Variants in PTPRD observed in about 807,000 individuals in gnomAD.
The protein encoded by PTPRD is protein tyrosine phosphatase receptor type D.
In PTPRD, 34 loss-of-function variants were observed where a neutral mutation model predicts 214.5. That is an observed-to-expected ratio of 0.16 (90% CI 0.12 to 0.21). PTPRD has a LOEUF of 0.21. Ranked by LOEUF, PTPRD falls within the 10% of genes least tolerant of loss-of-function variation. PTPRD has a pLI of 1.00. For missense variants in PTPRD, 2,545 were observed against 2,398.7 expected, an observed-to-expected ratio of 1.06 and a Z score of -1.27; for synonymous variants, 1,128 against 845.7, an observed-to-expected ratio of 1.33 and a Z score of -5.79.
At chr9:8,340,977 A>T in intron 41 of PTPRD, 113 bp downstream of exon 41, 1 of 1,049,070 alleles carries the variant, frequency 9.5e-7, no homozygotes, top group Non-Finnish European at 1.4e-6. Flanking sequence ...CTAAATGATG[A>T]CCTATGCAGA....
intron 2 of PTPRD, among the ~76,000 whole-genome samples, chr9:10,442,754 T>C (rs113054665): frequency 5.7e-4 from 86 of 151,632 alleles, no homozygotes; most frequent in African/African-American, 2.0e-3. Flanking sequence ...AAACCATTGT[T>C]AAATGTTGTC....
At chr9:8,429,400 G>C (rs2094901954) in intron 35 of PTPRD, among the ~76,000 whole-genome samples, 1 of 152,048 alleles carries the variant, frequency 6.6e-6, no homozygotes, top group African/African-American at 2.4e-5. Context: ...CTGTGGTTTA[G>C]ACAGCTCTAA....
intron 10 of PTPRD, among the ~76,000 whole-genome samples, chr9:9,170,676 A>G (rs1212632426): frequency 1.3e-5 from 2 of 152,206 alleles, no homozygotes; most frequent in African/African-American, 4.8e-5. Context: ...GGATGCTCAG[A>G]AAACAGAAAG....
chr9:9,590,189 C>A (rs907324701), intron 7 of PTPRD, among the ~76,000 whole-genome samples: 6 of 151,992 alleles, frequency 3.9e-5, no homozygotes, highest in African/African-American at 1.4e-4. Context: ...TAGGATCATA[C>A]AGCAAATACT....
chr9:8,673,882 T>C (rs1297452542), intron 12 of PTPRD, among the ~76,000 whole-genome samples: 2 of 152,094 alleles, frequency 1.3e-5, no homozygotes, highest in East Asian at 1.9e-4. Flanking sequence ...TTGCAGGATG[T>C]TCAGCAGCAC....
At chr9:8,511,338 T>C (rs965489146) in intron 21 of PTPRD, among the ~76,000 whole-genome samples, 1 of 152,136 alleles carries the variant, frequency 6.6e-6, no homozygotes, top group Non-Finnish European at 1.5e-5. Context: ...CTCAAAGCAC[T>C]GAGAGTATGG....
chr9:9,092,351 AT>A (rs1382108767), intron 10 of PTPRD, among the ~76,000 whole-genome samples: 4 of 152,078 alleles, frequency 2.6e-5, no homozygotes, highest in African/African-American at 9.7e-5. Flanking sequence ...TGCTGTTTTC[AT>A]TTCTTCTTCA....
intron 11 of PTPRD, among the ~76,000 whole-genome samples, chr9:8,911,032 TG>T (rs1466739863): frequency 6.6e-6 from 1 of 152,236 alleles, no homozygotes; most frequent in African/African-American, 2.4e-5. Flanking sequence ...CAAACTTATC[TG>T]TAGATTCAAC....
intron 9 of PTPRD, among the ~76,000 whole-genome samples, chr9:9,260,582 T>C (rs2099979680): frequency 6.6e-6 from 1 of 151,824 alleles, no homozygotes; most frequent in African/African-American, 2.4e-5. Flanking sequence ...CTAATTTGCA[T>C]TTGAAAGAGT....
chr9:10,517,614 A>G (rs554369113), intron 2 of PTPRD, among the ~76,000 whole-genome samples: 1 of 152,146 alleles, frequency 6.6e-6, no homozygotes, highest in South Asian at 2.1e-4. Flanking sequence ...TGTAGTATAT[A>G]TATGAATGTA....
chr9:9,316,260 C>T (rs1963020149), intron 9 of PTPRD, among the ~76,000 whole-genome samples: 1 of 151,948 alleles, frequency 6.6e-6, no homozygotes, highest in East Asian at 1.9e-4. Flanking sequence ...TACCGTCTCT[C>T]TTATACTCAC....
At chr9:8,355,857 C>G (rs530742569) in intron 39 of PTPRD, among the ~76,000 whole-genome samples, 2 of 152,148 alleles carry the variant, frequency 1.3e-5, no homozygotes, top group African/African-American at 4.8e-5. Flanking sequence ...GCTGATATGG[C>G]TGGTCGCTGG....
At position 10,279,003 on chromosome 9, in the gene PTPRD, T is replaced by C. The variant is rs543300086; in HGVS notation, c.-545+61960A>G. Among the ~76,000 whole-genome samples the C allele has an allele frequency of 5.9e-3, 891 of 152,214 alleles. 5 individuals carry two copies. The highest frequency in any genetic ancestry group is 0.011 in the Non-Finnish European group (738 of 68,010). On this transcript the variant is annotated intron_variant, in intron 3 of 45. Transcript: ENST00000381196. ...GTTAGCCAGGATGATCTCGATCTCCTGGCCTCGTGATCTGCCCGCCTTGGC... is the reference window on the plus strand; with the variant it reads ...GTTAGCCAGGATGATCTCGATCTCCCGGCCTCGTGATCTGCCCGCCTTGGC...
intron 44 of PTPRD, among the ~76,000 whole-genome samples, chr9:8,328,320 T>C (rs1220889399): frequency 1.3e-5 from 2 of 151,754 alleles, no homozygotes; most frequent in Admixed American, 1.3e-4. Context: ...GAAAAGTCTT[T>C]TCTTTAGGAA....
intron 13 of PTPRD, among the ~76,000 whole-genome samples, chr9:8,634,410 A>T (rs558586253): frequency 1.3e-5 from 2 of 152,080 alleles, no homozygotes; most frequent in African/African-American, 2.4e-5. Flanking sequence ...GAATAAATTG[A>T]GATTGCCTCA....
intron 11 of PTPRD, among the ~76,000 whole-genome samples, chr9:8,938,711 AG>A (rs1167575325): frequency 6.6e-6 from 1 of 151,786 alleles, no homozygotes; most frequent in African/African-American, 2.4e-5. Flanking sequence ...TAAGAGGCCA[AG>A]AAAAAAAAAA....
At chr9:10,221,005 C>T (rs1194156883) in intron 3 of PTPRD, among the ~76,000 whole-genome samples, 1 of 151,776 alleles carries the variant, frequency 6.6e-6, no homozygotes, top group Non-Finnish European at 1.5e-5. Flanking sequence ...CTGTGAACAG[C>T]AGGAAGAATC....
chr9:9,896,804 C>A (rs1356542648), intron 5 of PTPRD, among the ~76,000 whole-genome samples: 1 of 151,830 alleles, frequency 6.6e-6, no homozygotes, highest in African/African-American at 2.4e-5. Flanking sequence ...GTAAAAATGA[C>A]CTCAGTTGCC....
chr9:9,938,626 G>C lies in PTPRD; in HGVS notation c.-471-16C>G, dbSNP rs2090392047. 6.6e-6 allele frequency: 1 copy of C among 152,068 alleles called. No homozygotes were observed. The highest frequency in any genetic ancestry group is 6.6e-5 in the Admixed American group (1 of 15,246). 9.4% of individuals were successfully genotyped at this position (152,068 alleles called of 1,614,324 possible). On this transcript the variant is annotated splice_polypyrimidine_tract_variant and intron_variant, in intron 4 of 45. Coordinates refer to ENST00000381196, the MANE Select transcript of PTPRD (RefSeq NM_002839.4). Reference sequence around the variant, plus strand: ...TATTTTCCACCTGGAACAAAACATAGTGTCAGTCATTTCTTCATGTTCCTT... The same window carrying C: ...TATTTTCCACCTGGAACAAAACATACTGTCAGTCATTTCTTCATGTTCCTT...
Sources: allele counts gnomAD v4.1 joint callset (sites outside exome capture counted in the v4.1 genomes callset), GRCh38; gene constraint gnomAD v4.1.1; transcripts MANE v1.5; gene names NCBI Gene and HGNC (gene_info 2026-07-23, HGNC 2026-07-21).